Variants in POU2F1 observed in about 807,000 individuals in gnomAD.
POU2F1 encodes POU domain, class 2, transcription factor 1.
Under a neutral mutation model 84.9 loss-of-function variants are expected in POU2F1, and 16 were observed. The observed-to-expected ratio is 0.19, with a 90% CI of 0.13 to 0.29. The LOEUF (loss-of-function observed/expected upper bound fraction) is 0.29. Ranked by LOEUF, POU2F1 falls within the 10% of genes least tolerant of loss-of-function variation. The pLI is 1.00. For missense variants in POU2F1, 738 were observed against 942.6 expected, an observed-to-expected ratio of 0.78 and a Z score of 2.84; for synonymous variants, 368 against 368.3, an observed-to-expected ratio of 1.00 and a Z score of 0.01.
chr1:167,221,983 G>A (rs1244212482), intron 1 of POU2F1, among the ~76,000 whole-genome samples: 2 of 152,074 alleles, frequency 1.3e-5, no homozygotes, highest in African/African-American at 4.8e-5. Flanking sequence ...GCCTGGCGTG[G>A]TCTGACCTCC....
chr1:167,291,947 T>C (rs1192558128), intron 1 of POU2F1, among the ~76,000 whole-genome samples: 2 of 152,150 alleles, frequency 1.3e-5, no homozygotes, highest in Non-Finnish European at 2.9e-5. Flanking sequence ...GTAGGAGTGC[T>C]GCTGGCTTGA....
chr1:167,270,657 G>T (rs1362353713), intron 1 of POU2F1, among the ~76,000 whole-genome samples: 1 of 152,176 alleles, frequency 6.6e-6, no homozygotes, highest in East Asian at 1.9e-4. Flanking sequence ...GTTCCTTGGG[G>T]TGGCATCTGT....
chr1:167,236,874 AATTTTT>A (rs1427503222), intron 1 of POU2F1, among the ~76,000 whole-genome samples: 1 of 152,198 alleles, frequency 6.6e-6, no homozygotes, highest in African/African-American at 2.4e-5. Flanking sequence ...AGGCAATTTT[AATTTTT>A]AAGTCAAATA....
At chr1:167,391,309 A>G (rs1054608825) in intron 9 of POU2F1, among the ~76,000 whole-genome samples, 6 of 152,098 alleles carry the variant, frequency 3.9e-5, no homozygotes, top group African/African-American at 1.2e-4. Flanking sequence ...GTATAAGATC[A>G]TTAGGTAAAA....
At chr1:167,400,878 C>A (rs1402653605) in intron 12 of POU2F1, among the ~76,000 whole-genome samples, 1 of 152,004 alleles carries the variant, frequency 6.6e-6, no homozygotes, top group Non-Finnish European at 1.5e-5. Context: ...AATGGTGGGC[C>A]TGTAGTCATA....
In POU2F1 at chr1:167,226,716, T is replaced by C. The variant is rs867511227; in HGVS notation, c.61+5758T>C. 1.4e-4 allele frequency among the ~76,000 whole-genome samples: 21 copies of C among 152,328 alleles called. 1 individual carries two copies. Among genetic ancestry groups the C allele is most frequent in the Middle Eastern group, 6.8e-3 (2 of 294 alleles). Reference sequence around the variant, plus strand: ...CATACAGTGCATGTGGTTATGGGGTTCTGTGTGTTTTTACTATGGGGTGTG... The same window carrying C: ...CATACAGTGCATGTGGTTATGGGGTCCTGTGTGTTTTTACTATGGGGTGTG... On this transcript the variant is annotated intron_variant, in intron 1 of 15. Coordinates refer to ENST00000367866, the MANE Select transcript of POU2F1 (RefSeq NM_002697.4).
At chr1:167,279,108 A>G (rs189217836) in intron 1 of POU2F1, among the ~76,000 whole-genome samples, 158 of 152,352 alleles carry the variant, frequency 1.0e-3, no homozygotes, top group Non-Finnish European at 1.9e-3. Flanking sequence ...CAGTGCTTAC[A>G]GCATACGCCT....
chr1:167,322,200 C>A (rs888897990), intron 1 of POU2F1, among the ~76,000 whole-genome samples: 2 of 152,154 alleles, frequency 1.3e-5, no homozygotes, highest in African/African-American at 4.8e-5. Context: ...GTTGCTTTGC[C>A]TTATTTGTGC....
Position 167,374,272 on chromosome 1 carries a change from G to A in POU2F1, c.567G>A (p.Leu189=). The A allele has an allele frequency of 6.2e-7, 1 of 1,611,682 alleles. No homozygotes were observed. Among genetic ancestry groups the A allele is most frequent in the Non-Finnish European group, 8.5e-7 (1 of 1,179,150 alleles). The part of the protein sequence containing the change: ...SAATPMTQIP[L]SQPIQIAQDL... ...CCACGCCCATGACGCAGATCCCCCT[G>A]TCTCAGCCCATACAGATCGCACAGG... is the stretch of plus-strand genomic sequence containing the variant. The change falls in exon 6 of 16, where the codon CTG becomes CTA. Residue 189 remains leucine, a synonymous_variant. Coordinates refer to ENST00000367866, the MANE Select transcript of POU2F1 (RefSeq NM_002697.4).
chr1:167,412,370 A>G, intron 14 of POU2F1, 66 bp downstream of exon 14: 1 of 1,350,130 alleles, frequency 7.4e-7, no homozygotes, highest in Non-Finnish European at 1.0e-6. Flanking sequence ...CTCACAGGGG[A>G]GACTTTACAT....
chr1:167,317,458 T>G (rs943554565), intron 1 of POU2F1, among the ~76,000 whole-genome samples: 2 of 152,164 alleles, frequency 1.3e-5, no homozygotes, highest in African/African-American at 4.8e-5. Context: ...AGAGTGGGAA[T>G]CAGGGGGCTG....
chr1:167,382,151 G>A (rs1347517234), intron 7 of POU2F1, among the ~76,000 whole-genome samples: 1 of 152,138 alleles, frequency 6.6e-6, no homozygotes, highest in African/African-American at 2.4e-5. Context: ...CCCTCATTAA[G>A]AGACGTCAAA....
chr1:167,299,935 G>A (rs1478714782), intron 1 of POU2F1, among the ~76,000 whole-genome samples: 2 of 152,146 alleles, frequency 1.3e-5, no homozygotes, highest in Non-Finnish European at 2.9e-5. Context: ...GTTTCCAGGT[G>A]ATGCTATGAT....
chr1:167,277,693 A>G (rs1454260566), intron 1 of POU2F1, among the ~76,000 whole-genome samples: 6 of 152,064 alleles, frequency 3.9e-5, no homozygotes, highest in Non-Finnish European at 5.9e-5. Context: ...CCCAGCAATT[A>G]TATCTATCCC....
At chr1:167,255,971 C>G (rs1438315586) in intron 1 of POU2F1, among the ~76,000 whole-genome samples, 1 of 152,144 alleles carries the variant, frequency 6.6e-6, no homozygotes, top group Non-Finnish European at 1.5e-5. Context: ...GGGACTCACT[C>G]CTTTCCTACT....
At chr1:167,233,091 A>G (rs930402585) in intron 1 of POU2F1, among the ~76,000 whole-genome samples, 1 of 151,058 alleles carries the variant, frequency 6.6e-6, no homozygotes, top group African/African-American at 2.4e-5. Flanking sequence ...CTTTTATACC[A>G]TGTTTTTAAC....
chr1:167,366,903 T>C (rs1223642870), intron 3 of POU2F1, among the ~76,000 whole-genome samples: 1 of 152,136 alleles, frequency 6.6e-6, no homozygotes, highest in Non-Finnish European at 1.5e-5. Context: ...TTATCTGGCT[T>C]AAATATGTGA....
chr1:167,412,355 A>G lies in POU2F1; in HGVS notation c.1901+51A>G, dbSNP rs1027806644. On this transcript the variant is annotated intron_variant, in intron 14 of 15. Coordinates refer to ENST00000367866, the MANE Select transcript of POU2F1 (RefSeq NM_002697.4). ...CGTCTGAGGTGGAGGTCATCCCTGGAATTACTCACAGGGGAGACTTTACAT... is the reference window on the plus strand; with the variant it reads ...CGTCTGAGGTGGAGGTCATCCCTGGGATTACTCACAGGGGAGACTTTACAT... 245 of 1,424,528 alleles carry G rather than the reference A, an allele frequency of 1.7e-4. No homozygotes were observed. In the Middle Eastern group the frequency reaches 2.4e-3, roughly 14 times the overall value. The allele number at this position is 1,424,528 out of a possible 1,614,324, so 88.2% of individuals were successfully genotyped here.
chr1:167,344,299 G>A (rs1658051776), intron 2 of POU2F1, among the ~76,000 whole-genome samples: 1 of 152,164 alleles, frequency 6.6e-6, no homozygotes, highest in Admixed American at 6.5e-5. Context: ...CATGGAGTTA[G>A]CATTTAGTGT....
Sources: gnomAD v4.1 joint callset for allele counts (sites outside exome capture counted in the v4.1 genomes callset) on GRCh38, gnomAD v4.1.1 for gene constraint, MANE v1.5 for transcripts, NCBI Gene and HGNC (gene_info 2026-07-23, HGNC 2026-07-21) for gene names.